The following FAAH2 variants were observed in gnomAD, a reference collection of about 807,000 sequenced individuals.
FAAH2 encodes the protein fatty acid amide hydrolase 2, also known as fatty-acid amide hydrolase 2.
In FAAH2, 60 loss-of-function variants were observed where a neutral mutation model predicts 36.9. That is an observed-to-expected ratio of 1.63 (90% CI 1.32 to 2.02). The LOEUF is 2.02. Among genes scored for constraint, FAAH2 ranks in the 30% most tolerant of loss-of-function variants. The pLI, the probability that FAAH2 is intolerant of heterozygous loss-of-function variation, is 0.00. For synonymous variants in FAAH2, 214 were observed against 143.8 expected (o/e 1.49, Z -3.49); for missense variants, 689 against 397.5 (o/e 1.73, Z -6.23).
the FAAH2 span, among the ~76,000 whole-genome samples, chrX:57,188,190 C>T: frequency 9.0e-6 from 1 of 111,026 alleles, no homozygotes; most frequent in Admixed American, 9.6e-5. Flanking sequence ...CTGTCTGGTC[C>T]TGGGCATTTT....
At chrX:57,466,392 G>C (rs1202465851) in intron 10 of FAAH2, among the ~76,000 whole-genome samples, 1 of 104,760 alleles carries the variant, frequency 9.5e-6, no homozygotes, top group Non-Finnish European at 1.9e-5. Context: ...TACTGGAAAA[G>C]TATATATATG....
chrX:57,368,053 C>T (rs190880505), intron 5 of FAAH2, among the ~76,000 whole-genome samples: 34 of 111,281 alleles, frequency 3.1e-4, no homozygotes, highest in African/African-American at 1.1e-3. Context: ...CCTAGTAGTA[C>T]ACCATTACTC....
At chrX:57,417,339 C>T (rs2055871174) in intron 7 of FAAH2, among the ~76,000 whole-genome samples, 1 of 112,065 alleles carries the variant, frequency 8.9e-6, no homozygotes, top group South Asian at 3.7e-4. Context: ...GCTCTTTGTG[C>T]TGTTTTTTCC....
At chrX:57,467,696 G>A (rs778537044) in intron 10 of FAAH2, among the ~76,000 whole-genome samples, 42 of 112,063 alleles carry the variant, frequency 3.7e-4, no homozygotes, top group African/African-American at 1.3e-3. Context: ...CAAACAAAAG[G>A]CAGCAGAAAC....
chrX:57,382,323 A>G (rs1172425236), intron 7 of FAAH2, among the ~76,000 whole-genome samples: 1 of 111,615 alleles, frequency 9.0e-6, no homozygotes, highest in Non-Finnish European at 1.9e-5. Flanking sequence ...AATAACTAAG[A>G]TCAGAGAAGA....
chrX:57,451,010 C>A (rs1020007898), intron 10 of FAAH2, among the ~76,000 whole-genome samples: 3 of 111,369 alleles, frequency 2.7e-5, no homozygotes, highest in African/African-American at 9.8e-5. Context: ...CTTACAGCAG[C>A]CCTATAAAAA....
the FAAH2 span, among the ~76,000 whole-genome samples, chrX:57,155,883 G>A: frequency 2.7e-5 from 3 of 111,419 alleles, no homozygotes; most frequent in South Asian, 7.6e-4. Flanking sequence ...TATTTCACTC[G>A]GCTCTATAAA....
At position 57,378,540 on chromosome X, in the gene FAAH2, G is replaced by C. The variant is rs556476404; in HGVS notation, c.743-111G>C. The stretch of plus-strand genomic sequence containing the variant: ...AATGAGATATAAGAAGACCTGAAAA[G>C]TTTTAACCAGGAGAAAAAGTATTTA... On this transcript the variant is annotated intron_variant, in intron 5 of 10. Transcript: ENST00000374900. 2.2e-4 allele frequency: 224 copies of C among 1,009,470 alleles called. No homozygotes were observed. In the South Asian group the frequency reaches 4.9e-3, roughly 22 times the overall value. The allele number at this position is 1,009,470 out of a possible 1,213,427, so 83.2% of individuals were successfully genotyped here.
the FAAH2 span, among the ~76,000 whole-genome samples, chrX:57,244,699 A>G: frequency 8.9e-6 from 1 of 111,870 alleles, no homozygotes; most frequent in Non-Finnish European, 1.9e-5. Context: ...TCTCACCACC[A>G]GGCCTGCCTT....
At chrX:57,267,687 C>T in the FAAH2 span, among the ~76,000 whole-genome samples, 15 of 112,016 alleles carry the variant, frequency 1.3e-4, no homozygotes, top group South Asian at 5.2e-3. Context: ...GAACAAAGGG[C>T]CCAATACAAG....
chrX:57,443,860 G>C (rs781648067), intron 8 of FAAH2, among the ~76,000 whole-genome samples: 7 of 112,139 alleles, frequency 6.2e-5, no homozygotes, highest in African/African-American at 2.3e-4. Flanking sequence ...CAGGTCTGTT[G>C]GAGTTTACTA....
chrX:57,363,084 A>G lies in FAAH2; in HGVS notation c.743-15567A>G, dbSNP rs971299044. Among the ~76,000 whole-genome samples the G allele has an allele frequency of 6.2e-5, 7 of 112,162 alleles. No individual in the cohort carries two copies. The South Asian group carries it at 2.6e-3, about 41-fold the overall frequency. On this transcript the variant is annotated intron_variant, in intron 5 of 10. Transcript: ENST00000374900. ...CTTTTCTTGGTTCCATATGAATTTT[A>G]GAATAGATTATTCTAATTCTGCAAT...
chrX:57,144,882 CTATATA>C, the FAAH2 span, among the ~76,000 whole-genome samples: 1 of 103,601 alleles, frequency 9.7e-6, no homozygotes, highest in African/African-American at 3.6e-5. Flanking sequence ...TAGTATTCCA[CTATATA>C]TATATATATA....
At chrX:57,156,287 G>A in the FAAH2 span, among the ~76,000 whole-genome samples, 1 of 111,768 alleles carries the variant, frequency 8.9e-6, no homozygotes, top group African/African-American at 3.3e-5. Context: ...CCTTCTATGT[G>A]TTATCTTGCA....
upstream of FAAH2, among the ~76,000 whole-genome samples, chrX:57,284,407 ACAAC>A (rs1309800861): frequency 1.8e-5 from 2 of 111,320 alleles, no homozygotes; most frequent in African/African-American, 6.6e-5. Flanking sequence ...AACAACAACA[ACAAC>A]AACAACAACA....
chrX:57,340,284 G>T (rs1602332464), intron 4 of FAAH2, among the ~76,000 whole-genome samples: 1 of 111,700 alleles, frequency 9.0e-6, no homozygotes, highest in African/African-American at 3.3e-5. Flanking sequence ...ACGCTGATTA[G>T]ATGGTGCCTG....
At chrX:57,399,163 G>T (rs1370812308) in intron 7 of FAAH2, among the ~76,000 whole-genome samples, 1 of 111,538 alleles carries the variant, frequency 9.0e-6, no homozygotes, top group Non-Finnish European at 1.9e-5. Context: ...TAACAAGGAG[G>T]TTAAAGATAC....
chrX:57,234,402 T>C, the FAAH2 span, among the ~76,000 whole-genome samples: 25,175 of 111,246 alleles, frequency 0.23, 2,830 homozygotes, highest in Non-Finnish European at 0.34. Flanking sequence ...GTGTGTAAGG[T>C]TAACTTTAAA....
the FAAH2 span, among the ~76,000 whole-genome samples, chrX:57,256,646 A>T: frequency 8.9e-6 from 1 of 111,917 alleles, no homozygotes; most frequent in African/African-American, 3.3e-5. Flanking sequence ...AAAAGACTTC[A>T]TGTCTAAAAC....
Sources: allele counts gnomAD v4.1 joint callset (sites outside exome capture counted in the v4.1 genomes callset), GRCh38; gene constraint gnomAD v4.1.1; transcripts MANE v1.5; gene names NCBI Gene and HGNC (gene_info 2026-07-23, HGNC 2026-07-21).